EPB41L4A: variants seen among roughly 807,000 people sequenced by gnomAD.
EPB41L4A encodes band 4.1-like protein 4A.
Under a neutral mutation model 108.6 loss-of-function variants are expected in EPB41L4A, and 100 were observed. The ratio of observed to expected loss-of-function variants is 0.92; its 90% CI spans 0.78 to 1.09. The LOEUF (loss-of-function observed/expected upper bound fraction) is 1.09, where lower values mean the gene tolerates loss of function less well. EPB41L4A is among the 50% of genes least tolerant of loss of function. EPB41L4A has a pLI of 0.00. For missense variants in EPB41L4A, 1,030 were observed against 842.7 expected, an observed-to-expected ratio of 1.22 and a Z score of -2.75; for synonymous variants, 319 against 289.0, an observed-to-expected ratio of 1.10 and a Z score of -1.05.
chr5:112,218,988 T>C (rs1045501330), intron 12 of EPB41L4A, among the ~76,000 whole-genome samples: 9 of 152,194 alleles, frequency 5.9e-5, no homozygotes, highest in African/African-American at 1.2e-4. Context: ...TAAAATACCA[T>C]ACCGATTCGT....
At chr5:112,270,548 A>G (rs1054873251) in intron 4 of EPB41L4A, among the ~76,000 whole-genome samples, 1 of 152,252 alleles carries the variant, frequency 6.6e-6, no homozygotes, top group African/African-American at 2.4e-5. Flanking sequence ...CTAAAGTTTA[A>G]AACCAATGAT....
intron 12 of EPB41L4A, among the ~76,000 whole-genome samples, chr5:112,148,406 T>C (rs1037163482): frequency 6.6e-6 from 1 of 151,706 alleles, no homozygotes; most frequent in African/African-American, 2.4e-5. Context: ...TTATAAGAAT[T>C]TTACCAATTG....
chr5:112,360,464 G>A (rs375309), intron 1 of EPB41L4A, among the ~76,000 whole-genome samples: 9,235 of 152,214 alleles, frequency 0.061, 311 homozygotes, highest in Non-Finnish European at 0.068. Flanking sequence ...TGGTGGAGAC[G>A]GGGTTTCGCC....
At chr5:112,303,360 T>C (rs1384820554) in intron 2 of EPB41L4A, among the ~76,000 whole-genome samples, 1 of 152,128 alleles carries the variant, frequency 6.6e-6, no homozygotes, top group African/African-American at 2.4e-5. Flanking sequence ...AATACAAATA[T>C]TAACACATAC....
intron 1 of EPB41L4A, among the ~76,000 whole-genome samples, chr5:112,394,625 T>C (rs1761202647): frequency 6.6e-6 from 1 of 152,308 alleles, no homozygotes; most frequent in Middle Eastern, 3.4e-3. Flanking sequence ...TCCATGCTCA[T>C]GGATAGGAAG....
intron 12 of EPB41L4A, among the ~76,000 whole-genome samples, chr5:112,233,778 A>C (rs542828265): frequency 6.6e-6 from 1 of 152,150 alleles, no homozygotes; most frequent in South Asian, 2.1e-4. Context: ...ATTTCAACTC[A>C]AATACATCAA....
At chr5:112,341,342 C>T (rs1447239390) in intron 1 of EPB41L4A, among the ~76,000 whole-genome samples, 7 of 152,172 alleles carry the variant, frequency 4.6e-5, no homozygotes, top group Non-Finnish European at 1.0e-4. Flanking sequence ...TCTTACTCCT[C>T]TCATAACCAG....
intron 1 of EPB41L4A, among the ~76,000 whole-genome samples, chr5:112,382,095 T>C (rs1410405916): frequency 6.6e-6 from 1 of 152,224 alleles, no homozygotes; most frequent in African/African-American, 2.4e-5. Context: ...AAAACTCAAT[T>C]AGCACTTTTA....
At chr5:112,377,794 C>G (rs1351383450) in intron 1 of EPB41L4A, among the ~76,000 whole-genome samples, 1 of 152,092 alleles carries the variant, frequency 6.6e-6, no homozygotes, top group African/African-American at 2.4e-5. Flanking sequence ...GTACCATTAC[C>G]TTTCCAGAGC....
intron 2 of EPB41L4A, among the ~76,000 whole-genome samples, chr5:112,303,788 G>A (rs142649116): frequency 6.6e-6 from 1 of 152,132 alleles, no homozygotes; most frequent in Non-Finnish European, 1.5e-5. Context: ...TGGGATTTCA[G>A]AAGTGAATGT....
intron 1 of EPB41L4A, among the ~76,000 whole-genome samples, chr5:112,379,912 A>G (rs1271561765): frequency 1.3e-5 from 2 of 152,244 alleles, no homozygotes; most frequent in African/African-American, 4.8e-5. Context: ...CCTTTTGCTC[A>G]AAGCACTGAC....
chr5:112,147,153 C>CATTA (rs112107706), intron 12 of EPB41L4A, among the ~76,000 whole-genome samples: 10,259 of 152,122 alleles, frequency 0.067, 891 homozygotes, highest in African/African-American at 0.21. Flanking sequence ...ACATCAGACC[C>CATTA]AGGAATGTCT....
intron 1 of EPB41L4A, among the ~76,000 whole-genome samples, chr5:112,389,274 G>A (rs1397997816): frequency 6.6e-6 from 1 of 152,110 alleles, no homozygotes; most frequent in African/African-American, 2.4e-5. Flanking sequence ...TCCTGACACT[G>A]TACTAATAAG....
chr5:112,317,950 G>T (rs1237878202), intron 1 of EPB41L4A, among the ~76,000 whole-genome samples: 1 of 152,098 alleles, frequency 6.6e-6, no homozygotes, highest in Admixed American at 6.5e-5. Flanking sequence ...AGACTGAAAA[G>T]CTTGAGAATT....
chr5:112,367,558 C>T (rs150036071), intron 1 of EPB41L4A, among the ~76,000 whole-genome samples: 5 of 152,324 alleles, frequency 3.3e-5, no homozygotes, highest in Non-Finnish European at 7.3e-5. Flanking sequence ...CATCCCCCAT[C>T]TGGCAGGGCT....
At chr5:112,149,568 G>A (rs1163673672) in intron 12 of EPB41L4A, among the ~76,000 whole-genome samples, 1 of 152,150 alleles carries the variant, frequency 6.6e-6, no homozygotes, top group Non-Finnish European at 1.5e-5. Context: ...GAAAAAGCAG[G>A]ATTAGTGATA....
Position 112,338,740 on chromosome 5 carries a change from T to C in EPB41L4A, c.100-31250A>G, listed in dbSNP as rs779126428. Among the ~76,000 whole-genome samples, 38 of 152,216 alleles carry C rather than the reference T, an allele frequency of 2.5e-4. 1 individual carries two copies. The highest frequency in any genetic ancestry group is 3.2e-3 in the Middle Eastern group (1 of 316). Reference sequence around the variant, plus strand: ...AACAGGGTTGGAAAACTACAACACATGGGCCAAATCTGAGTCACTGCCTAA... The same window carrying C: ...AACAGGGTTGGAAAACTACAACACACGGGCCAAATCTGAGTCACTGCCTAA... On this transcript the variant is annotated intron_variant, in intron 1 of 22. Coordinates refer to ENST00000261486, the MANE Select transcript of EPB41L4A (RefSeq NM_022140.5).
At chr5:112,186,992 C>A (rs555975532) in intron 17 of EPB41L4A, among the ~76,000 whole-genome samples, 2 of 152,172 alleles carry the variant, frequency 1.3e-5, no homozygotes, top group African/African-American at 4.8e-5. Context: ...CATTTATTCT[C>A]AGGTATGGGG....
At chr5:112,205,253 C>T (rs12658467) in intron 14 of EPB41L4A, among the ~76,000 whole-genome samples, 168 bp downstream of exon 14, 52,688 of 151,540 alleles carry the variant, frequency 0.35, 9,543 homozygotes, top group South Asian at 0.51. Flanking sequence ...ATTTCCACTT[C>T]AGAAATCCCA....
Sources: allele counts gnomAD v4.1 joint callset (sites outside exome capture counted in the v4.1 genomes callset), GRCh38; gene constraint gnomAD v4.1.1; transcripts MANE v1.5; gene names NCBI Gene and HGNC (gene_info 2026-07-23, HGNC 2026-07-21).